Variants in SNX13 observed in about 807,000 individuals in gnomAD.
SNX13 encodes sorting nexin-13.
Under a neutral mutation model 133.6 loss-of-function variants are expected in SNX13, and 45 were observed. That is an observed-to-expected ratio of 0.34 (90% CI 0.27 to 0.43). The LOEUF is 0.43. SNX13 is among the 20% of genes least tolerant of loss of function. SNX13 has a pLI of 1.00. For synonymous variants in SNX13, 414 were observed against 373.9 expected (o/e 1.11, Z -1.24); for missense variants, 1,032 against 1,145.1 (o/e 0.90, Z 1.43).
Position 17,829,995 on chromosome 7 carries a change from C to T in SNX13, c.1635+15G>A. On this transcript the variant is annotated intron_variant, in intron 16 of 25. Coordinates refer to ENST00000428135, the MANE Select transcript of SNX13 (RefSeq NM_015132.5). ...TTTCAAGTCACTTTAATAAAGTACCCATAATAGTACTTACCAAATTTATGC... is the reference window on the plus strand; with the variant it reads ...TTTCAAGTCACTTTAATAAAGTACCTATAATAGTACTTACCAAATTTATGC... 1.3e-6 allele frequency: 2 copies of T among 1,502,604 alleles called. No individual in the cohort carries two copies. Among genetic ancestry groups the T allele is most frequent in the Non-Finnish European group, 1.8e-6 (2 of 1,110,404 alleles). 93.1% of individuals were successfully genotyped at this position (1,502,604 alleles called of 1,614,324 possible). A position where few individuals can be genotyped will look rare whatever the true frequency, so the allele number is the denominator to read the frequency against.
At position 17,937,135 on chromosome 7, in the gene SNX13, G is replaced by T. The variant is rs573207272; in HGVS notation, c.12+3149C>A. ...AGCAAGTTTTCTAAATAATTCCATT[G>T]TATTTAAGATAAAATAATATAAATT... is the stretch of plus-strand genomic sequence containing the variant. On this transcript the variant is annotated intron_variant, in intron 1 of 25. Transcript: ENST00000428135. Among the ~76,000 whole-genome samples the T allele has an allele frequency of 9.5e-5, 14 of 147,950 alleles. No individual in the cohort carries two copies. In the South Asian group the frequency reaches 1.1e-3, roughly 11 times the overall value.
At chr7:17,896,870 A>T (rs1293326446) in intron 2 of SNX13, among the ~76,000 whole-genome samples, 1 of 152,140 alleles carries the variant, frequency 6.6e-6, no homozygotes, top group East Asian at 1.9e-4. Flanking sequence ...AAAACTGCAA[A>T]ATCAGGTATT....
intron 5 of SNX13, chr7:17,883,071 G>A: frequency 3.9e-6 from 1 of 256,840 alleles, no homozygotes; most frequent in Non-Finnish European, 7.8e-6. Context: ...GCAAATTGGT[G>A]GAAACGAACT....
chr7:17,838,035 T>C (rs1789356934), intron 13 of SNX13, among the ~76,000 whole-genome samples: 2 of 151,946 alleles, frequency 1.3e-5, no homozygotes, highest in African/African-American at 4.8e-5. Flanking sequence ...TTTACTGTAA[T>C]CCTTTTCTCC....
chr7:17,877,779 C>T (rs1043755119), intron 5 of SNX13, among the ~76,000 whole-genome samples: 8 of 151,874 alleles, frequency 5.3e-5, no homozygotes, highest in African/African-American at 1.7e-4. Flanking sequence ...ATTTTCAATA[C>T]AGAAATATGT....
intron 7 of SNX13, among the ~76,000 whole-genome samples, chr7:17,874,888 G>A (rs530329559): frequency 1.3e-5 from 2 of 152,200 alleles, no homozygotes; most frequent in South Asian, 2.1e-4. Context: ...AATATTTTAT[G>A]GTAACAGGTA....
chr7:17,913,754 CA>C (rs1158895502), intron 1 of SNX13, among the ~76,000 whole-genome samples: 2 of 87,274 alleles, frequency 2.3e-5, no homozygotes, highest in Non-Finnish European at 4.9e-5. Context: ...AGCAAATTAA[CA>C]AAAACAAAAA....
At chr7:17,838,357 GTGTC>G in intron 13 of SNX13, among the ~76,000 whole-genome samples, 1 of 151,828 alleles carries the variant, frequency 6.6e-6, no homozygotes, top group East Asian at 1.9e-4. Context: ...TTGGTTATCT[GTGTC>G]TTCTTCCATT....
Position 17,794,357 on chromosome 7 carries a change from T to C in SNX13, c.2627-65A>G, listed in dbSNP as rs902110873. On this transcript the variant is annotated intron_variant, in intron 25 of 25. Coordinates refer to ENST00000428135, the MANE Select transcript of SNX13 (RefSeq NM_015132.5). The stretch of plus-strand genomic sequence containing the variant: ...GAAACACAAGGCCTAAACTCTTAAA[T>C]GTTCTTAAATTAAGGTACACAGCAG... 3.3e-6 allele frequency: 5 copies of C among 1,531,886 alleles called. No individual in the cohort carries two copies. In the African/African-American group the frequency reaches 5.5e-5, roughly 17 times the overall value. The allele number at this position is 1,531,886 out of a possible 1,614,324, so 94.9% of individuals were successfully genotyped here. A position where few individuals can be genotyped will look rare whatever the true frequency, so the allele number is the denominator to read the frequency against.
chr7:17,802,256 C>A (rs1055694489), intron 21 of SNX13, among the ~76,000 whole-genome samples: 3 of 151,906 alleles, frequency 2.0e-5, no homozygotes, highest in Admixed American at 1.3e-4. Flanking sequence ...ATGAAATCGC[C>A]CGGTGACACA....
intron 2 of SNX13, among the ~76,000 whole-genome samples, 177 bp from the exon 3 acceptor site, chr7:17,893,611 CA>C (rs1796874780): frequency 6.6e-6 from 1 of 152,152 alleles, no homozygotes; most frequent in African/African-American, 2.4e-5. Context: ...AAGTTTAAAA[CA>C]ACTATGAACA....
chr7:17,862,596 G>A (rs1452107514), intron 9 of SNX13, among the ~76,000 whole-genome samples: 1 of 151,990 alleles, frequency 6.6e-6, no homozygotes, highest in Non-Finnish European at 1.5e-5. Context: ...CAAAAGATAT[G>A]AACAATTTTT....
chr7:17,794,488 G>GCC (rs1228308260), intron 25 of SNX13, 196 bp from the exon 26 acceptor site: 2 of 612,006 alleles, frequency 3.3e-6, no homozygotes, highest in East Asian at 5.9e-5. Flanking sequence ...CGCACTTAAT[G>GCC]CAAAAGCTAC....
At chr7:17,916,125 C>T (rs1799533739) in intron 1 of SNX13, among the ~76,000 whole-genome samples, 1 of 152,008 alleles carries the variant, frequency 6.6e-6, no homozygotes, top group African/African-American at 2.4e-5. Context: ...CAGGCCAAAA[C>T]CTCTGGGTTG....
At chr7:17,896,617 G>A (rs574629435) in intron 2 of SNX13, among the ~76,000 whole-genome samples, 41 of 152,098 alleles carry the variant, frequency 2.7e-4, no homozygotes, top group African/African-American at 8.9e-4. Context: ...ACATAAATAC[G>A]TCATATTATA....
chr7:17,934,403 G>C (rs920704459), intron 1 of SNX13, among the ~76,000 whole-genome samples: 1 of 152,182 alleles, frequency 6.6e-6, no homozygotes, highest in African/African-American at 2.4e-5. Flanking sequence ...ACTATATTAA[G>C]GAATACCTAA....
At chr7:17,822,071 C>T (rs992406391) in intron 17 of SNX13, among the ~76,000 whole-genome samples, 2 of 152,146 alleles carry the variant, frequency 1.3e-5, no homozygotes, top group African/African-American at 4.8e-5. Context: ...CTAGCCTTCA[C>T]TCTTCAGTTG....
In SNX13 at chr7:17,843,757, C is replaced by G. The variant is rs111378153; in HGVS notation, c.1165+1838G>C. Among the ~76,000 whole-genome samples, 254 of 152,002 alleles carry G rather than the reference C, an allele frequency of 1.7e-3. 3 individuals are homozygous for G. Among genetic ancestry groups the G allele is most frequent in the African/African-American group, 5.7e-3 (236 of 41,512 alleles). On this transcript the variant is annotated intron_variant, in intron 12 of 25. Coordinates refer to ENST00000428135, the MANE Select transcript of SNX13 (RefSeq NM_015132.5). ...ATGGGATAAAATTATAAAACAATAA[C>G]AAAATTAAAACTGGAAAACTCATAT...
chr7:17,831,604 G>A, intron 15 of SNX13: 1 of 983,928 alleles, frequency 1.0e-6, no homozygotes, highest in Non-Finnish European at 1.2e-6. Flanking sequence ...CATATGATAT[G>A]ACTTGGTCCT....
Sources: allele counts gnomAD v4.1 joint callset (sites outside exome capture counted in the v4.1 genomes callset), GRCh38; gene constraint gnomAD v4.1.1; transcripts MANE v1.5; gene names NCBI Gene and HGNC (gene_info 2026-07-23, HGNC 2026-07-21).